Variants in PCDH9 observed in about 807,000 individuals in gnomAD.
The protein encoded by PCDH9 is protocadherin-9.
In PCDH9, 24 loss-of-function variants were observed where a neutral mutation model predicts 70.6. The observed-to-expected ratio is 0.34, with a 90% CI of 0.25 to 0.48. The LOEUF (loss-of-function observed/expected upper bound fraction) is 0.48, where lower values mean the gene tolerates loss of function less well. PCDH9 is among the 20% of genes least tolerant of loss of function. The pLI, the probability that PCDH9 is intolerant of heterozygous loss-of-function variation, is 0.99. For missense variants in PCDH9, 1,281 were observed against 1,503.6 expected (o/e 0.85, Z 2.45); for synonymous variants, 562 against 558.5 (o/e 1.01, Z -0.09).
intron 4 of PCDH9, among the ~76,000 whole-genome samples, chr13:66,311,818 A>G (rs548937602): frequency 6.6e-6 from 1 of 152,324 alleles, no homozygotes; most frequent in East Asian, 1.9e-4. Context: ...CTTATTATAC[A>G]GAAAACCAGC....
chr13:66,482,044 ACT>A (rs1958851261), intron 4 of PCDH9, among the ~76,000 whole-genome samples: 1 of 151,744 alleles, frequency 6.6e-6, no homozygotes. Flanking sequence ...AAAACCATAA[ACT>A]CTATTTTTGG....
chr13:66,384,912 G>A (rs537899617), intron 4 of PCDH9, among the ~76,000 whole-genome samples: 2 of 152,064 alleles, frequency 1.3e-5, no homozygotes, highest in South Asian at 4.2e-4. Flanking sequence ...CAAGTGATCC[G>A]CCTGCCTCGG....
intron 4 of PCDH9, among the ~76,000 whole-genome samples, chr13:66,534,791 C>T (rs907290251): frequency 4.6e-5 from 7 of 152,086 alleles, no homozygotes; most frequent in South Asian, 2.1e-4. Context: ...ACATCAAGGC[C>T]GACAACCTTT....
chr13:66,571,591 G>C (rs2076733685), intron 4 of PCDH9, among the ~76,000 whole-genome samples: 1 of 151,880 alleles, frequency 6.6e-6, no homozygotes, highest in South Asian at 2.1e-4. Flanking sequence ...TTGTACTCCA[G>C]GCTACCATCC....
chr13:67,058,679 A>G (rs1269942632), intron 2 of PCDH9, among the ~76,000 whole-genome samples: 1 of 152,118 alleles, frequency 6.6e-6, no homozygotes, highest in African/African-American at 2.4e-5. Flanking sequence ...TCAAATAGAA[A>G]CACTGTGTAA....
At chr13:66,951,144 T>C (rs567207340) in intron 2 of PCDH9, among the ~76,000 whole-genome samples, 2 of 152,298 alleles carry the variant, frequency 1.3e-5, no homozygotes, top group South Asian at 4.1e-4. Flanking sequence ...TCATTAACAA[T>C]TGCTTCATAA....
intron 2 of PCDH9, among the ~76,000 whole-genome samples, chr13:67,120,187 A>AAATAAGAATAATAATAAT (rs1555309198): frequency 7.0e-6 from 1 of 143,744 alleles, no homozygotes; most frequent in Non-Finnish European, 1.5e-5. Flanking sequence ...CTCATGCATT[A>AAATAAGAATAATAATAAT]AATAATAATA....
chr13:66,934,091 T>C (rs920377315), intron 2 of PCDH9, among the ~76,000 whole-genome samples: 3 of 152,122 alleles, frequency 2.0e-5, no homozygotes, highest in African/African-American at 7.2e-5. Context: ...CCTGCCTTGC[T>C]ACTAGACAAG....
chr13:66,572,626 G>T (rs953013740), intron 4 of PCDH9, among the ~76,000 whole-genome samples: 1 of 152,164 alleles, frequency 6.6e-6, no homozygotes, highest in African/African-American at 2.4e-5. Flanking sequence ...TAGCCACTTA[G>T]GTTGATTGTG....
At chr13:67,127,649 C>T (rs1284851722) in intron 2 of PCDH9, among the ~76,000 whole-genome samples, 1 of 149,562 alleles carries the variant, frequency 6.7e-6, no homozygotes, top group African/African-American at 2.5e-5. Context: ...CTATTCATTT[C>T]AAGACTTTTT....
intron 4 of PCDH9, among the ~76,000 whole-genome samples, chr13:66,598,309 T>C (rs924380599): frequency 1.3e-5 from 2 of 151,860 alleles, no homozygotes; most frequent in Non-Finnish European, 2.9e-5. Flanking sequence ...AACCTAATTT[T>C]TTTCTTGTTT....
chr13:67,184,705 T>C (rs908543441), intron 2 of PCDH9, among the ~76,000 whole-genome samples: 5 of 152,134 alleles, frequency 3.3e-5, no homozygotes, highest in Admixed American at 3.3e-4. Context: ...CATTCCAGCC[T>C]GGGTGAAAAA....
At chr13:66,493,601 T>C (rs909726911) in intron 4 of PCDH9, among the ~76,000 whole-genome samples, 1 of 152,122 alleles carries the variant, frequency 6.6e-6, no homozygotes, top group African/African-American at 2.4e-5. Flanking sequence ...CTGAACATCA[T>C]AAGTAGTTAC....
intron 4 of PCDH9, among the ~76,000 whole-genome samples, chr13:66,617,028 A>C (rs955328951): frequency 1.3e-5 from 2 of 152,146 alleles, no homozygotes; most frequent in Admixed American, 6.5e-5. Context: ...GATTAAGCCA[A>C]CCCCAAGCTT....
intron 2 of PCDH9, among the ~76,000 whole-genome samples, chr13:67,181,268 A>C (rs975780692): frequency 2.6e-5 from 4 of 152,018 alleles, no homozygotes; most frequent in Non-Finnish European, 4.4e-5. Flanking sequence ...AGTGCAAATA[A>C]TTTTTTTTCA....
rs543948555 is a variant in PCDH9, at chr13:66,865,191, G to A, written c.3138+38313C>T. Among the ~76,000 whole-genome samples, 4 of 152,222 alleles carry A rather than the reference G, an allele frequency of 2.6e-5. No homozygotes were observed. In the South Asian group the frequency reaches 8.3e-4, roughly 32 times the overall value. On this transcript the variant is annotated intron_variant, in intron 3 of 4. Transcript: ENST00000377865. ...AAAATTTTAAAATGAATTTTTAGACGTGGTTAAAATATTTGACCCTTAAGT... is the reference window on the plus strand; with the variant it reads ...AAAATTTTAAAATGAATTTTTAGACATGGTTAAAATATTTGACCCTTAAGT...
intron 2 of PCDH9, among the ~76,000 whole-genome samples, chr13:67,106,190 A>G (rs2086538892): frequency 6.6e-6 from 1 of 152,218 alleles, no homozygotes; most frequent in Non-Finnish European, 1.5e-5. Flanking sequence ...ATGATTGTGA[A>G]GATTAAATTG....
intron 4 of PCDH9, among the ~76,000 whole-genome samples, chr13:66,333,552 A>G (rs371265492): frequency 3.9e-5 from 6 of 152,268 alleles, no homozygotes; most frequent in Admixed American, 1.3e-4. Context: ...AAATAGAATG[A>G]CTTAAGAACG....
intron 3 of PCDH9, among the ~76,000 whole-genome samples, chr13:66,785,235 TA>T (rs2080061126): frequency 1.3e-5 from 2 of 152,060 alleles, no homozygotes; most frequent in Admixed American, 6.6e-5. Context: ...AATGTTTCAC[TA>T]AAATAAGCCA....
Sources: gnomAD v4.1 joint callset for allele counts (sites outside exome capture counted in the v4.1 genomes callset) on GRCh38, gnomAD v4.1.1 for gene constraint, MANE v1.5 for transcripts, NCBI Gene and HGNC (gene_info 2026-07-23, HGNC 2026-07-21) for gene names.